The following RNF150 variants were observed in gnomAD, a reference collection of about 807,000 sequenced individuals.
The protein encoded by RNF150 is ring finger protein 150.
RNF150 carries 24 observed loss-of-function variants against 39.3 expected under a neutral mutation model. That is an observed-to-expected ratio of 0.61 (90% CI 0.44 to 0.86). The LOEUF (loss-of-function observed/expected upper bound fraction) is 0.86. RNF150 is among the 40% of genes least tolerant of loss of function. The pLI is 0.00. For missense variants in RNF150, 502 were observed against 587.8 expected, an observed-to-expected ratio of 0.85 and a Z score of 1.51; for synonymous variants, 255 against 227.3, an observed-to-expected ratio of 1.12 and a Z score of -1.10.
chr4:140,882,157 C>G (rs1019437703), intron 6 of RNF150, among the ~76,000 whole-genome samples: 5 of 151,174 alleles, frequency 3.3e-5, no homozygotes, highest in Non-Finnish European at 7.4e-5. Flanking sequence ...GTAGCTGGGA[C>G]TACAGGCACC....
intron 1 of RNF150, among the ~76,000 whole-genome samples, chr4:141,155,252 ATT>A (rs70946798): frequency 4.7e-5 from 6 of 126,402 alleles, no homozygotes; most frequent in Admixed American, 1.7e-4. Flanking sequence ...CACCCGGCTG[ATT>A]TTTTTTTTTT....
chr4:141,072,325 CTT>C (rs1737738406), intron 1 of RNF150, among the ~76,000 whole-genome samples: 1 of 152,196 alleles, frequency 6.6e-6, no homozygotes, highest in African/African-American at 2.4e-5. Context: ...TTACCATAAA[CTT>C]TGACTGTGGC....
chr4:140,972,251 A>C (rs1161058481), intron 1 of RNF150, among the ~76,000 whole-genome samples: 1 of 152,104 alleles, frequency 6.6e-6, no homozygotes, highest in Non-Finnish European at 1.5e-5. Context: ...TATTTTAAAA[A>C]CTGCAAAATA....
chr4:141,033,453 T>G (rs968438304), intron 1 of RNF150, among the ~76,000 whole-genome samples: 2 of 152,144 alleles, frequency 1.3e-5, no homozygotes, highest in African/African-American at 2.4e-5. Context: ...CCCATGAGAA[T>G]TGGAATCAAC....
At chr4:141,129,996 T>C (rs963374824) in intron 1 of RNF150, among the ~76,000 whole-genome samples, 15 of 152,224 alleles carry the variant, frequency 9.9e-5, no homozygotes, top group Admixed American at 9.8e-4. Context: ...AGTTCACAAA[T>C]ATGCAGATTT....
At chr4:141,076,730 G>C (rs1218287023) in intron 1 of RNF150, among the ~76,000 whole-genome samples, 2 of 151,746 alleles carry the variant, frequency 1.3e-5, no homozygotes, top group East Asian at 3.9e-4. Context: ...ACTTGTCTCT[G>C]AATAAAAACA....
At chr4:140,878,164 G>GTTT (rs58338048) in intron 6 of RNF150, among the ~76,000 whole-genome samples, 3,120 of 90,212 alleles carry the variant, frequency 0.035, 205 homozygotes, top group African/African-American at 0.11. Context: ...ATCTCATTGT[G>GTTT]TTTTTTTTTT....
At chr4:140,983,381 C>A (rs1733920237) in intron 1 of RNF150, among the ~76,000 whole-genome samples, 1 of 152,202 alleles carries the variant, frequency 6.6e-6, no homozygotes, top group Admixed American at 6.5e-5. Context: ...GTTTCTCCAA[C>A]AGCTTGGCTT....
At position 141,003,124 on chromosome 4, in the gene RNF150, C is replaced by T. The variant is rs1047975616; in HGVS notation, c.485-35251G>A. 9.2e-5 allele frequency among the ~76,000 whole-genome samples: 14 copies of T among 152,044 alleles called. 1 individual carries two copies. The highest frequency in any genetic ancestry group is 6.8e-3 in the Middle Eastern group (2 of 292). On this transcript the variant is annotated intron_variant, in intron 1 of 6. Coordinates refer to ENST00000515673, the MANE Select transcript of RNF150 (RefSeq NM_020724.2). The stretch of plus-strand genomic sequence containing the variant: ...TATTTCTTGAGTCAACAAAAAACTA[C>T]TTATTACTTATTGGGCCAAGCAGGA...
At chr4:141,122,732 C>T (rs1476456337) in intron 1 of RNF150, among the ~76,000 whole-genome samples, 1 of 152,096 alleles carries the variant, frequency 6.6e-6, no homozygotes, top group African/African-American at 2.4e-5. Context: ...TAAAAACACA[C>T]CGGCAATATA....
At chr4:141,150,275 C>T (rs1268645852) in intron 1 of RNF150, among the ~76,000 whole-genome samples, 1 of 152,230 alleles carries the variant, frequency 6.6e-6, no homozygotes, top group Non-Finnish European at 1.5e-5. Context: ...ATAGCCACTT[C>T]TTCCATTCAG....
intron 6 of RNF150, among the ~76,000 whole-genome samples, chr4:140,894,667 T>G (rs1488908738): frequency 6.6e-6 from 1 of 152,244 alleles, no homozygotes; most frequent in Non-Finnish European, 1.5e-5. Context: ...ATGCACATTT[T>G]GAACTTGTAT....
chr4:140,998,500 G>A (rs1437864986), intron 1 of RNF150, among the ~76,000 whole-genome samples: 1 of 152,174 alleles, frequency 6.6e-6, no homozygotes, highest in East Asian at 1.9e-4. Context: ...GAGAAAATAA[G>A]TGTCTGTTGT....
chr4:140,999,959 A>AAG (rs775607357), intron 1 of RNF150, among the ~76,000 whole-genome samples: 2 of 35,110 alleles, frequency 5.7e-5, no homozygotes, highest in African/African-American at 1.2e-4. Flanking sequence ...AAGAAGAAGA[A>AAG]GAAGAAGAAG....
chr4:141,000,060 AAGAAGAAGAAGAAGAAGAAGAAGAAGG>A (rs1560679423), intron 1 of RNF150, among the ~76,000 whole-genome samples: 1,104 of 94,250 alleles, frequency 0.012, 126 homozygotes, highest in South Asian at 0.025. Context: ...GAAGAAGAAG[AAGAAGAAGAAGAAGAAGAAGAAGAAGG>A]AGAAGAAGAA....
At chr4:140,960,186 T>C (rs1732964673) in intron 2 of RNF150, among the ~76,000 whole-genome samples, 1 of 152,200 alleles carries the variant, frequency 6.6e-6, no homozygotes, top group African/African-American at 2.4e-5. Context: ...GACCTAAATG[T>C]GTCCTTGATT....
chr4:141,162,328 G>T (rs1315614443), intron 1 of RNF150, among the ~76,000 whole-genome samples: 2 of 152,166 alleles, frequency 1.3e-5, no homozygotes, highest in African/African-American at 4.8e-5. Context: ...CTTGCATTTG[G>T]CTGATTTCTC....
intron 1 of RNF150, among the ~76,000 whole-genome samples, chr4:141,083,640 T>C (rs1367776949): frequency 6.6e-6 from 1 of 152,104 alleles, no homozygotes; most frequent in African/African-American, 2.4e-5. Context: ...AGACAGTCCA[T>C]TTTTCCCTTC....
chr4:141,176,398 C>G (rs1366823958), intron 1 of RNF150, among the ~76,000 whole-genome samples: 1 of 152,138 alleles, frequency 6.6e-6, no homozygotes, highest in Non-Finnish European at 1.5e-5. Context: ...ATGGCTTGGT[C>G]CCTTGCAAAA....
Sources: allele counts gnomAD v4.1 joint callset (sites outside exome capture counted in the v4.1 genomes callset), GRCh38; gene constraint gnomAD v4.1.1; transcripts MANE v1.5; gene names NCBI Gene and HGNC (gene_info 2026-07-23, HGNC 2026-07-21).